SLC2A7: variants seen among roughly 807,000 people sequenced by gnomAD.
The protein encoded by SLC2A7 is solute carrier family 2 member 7, also known as solute carrier family 2, facilitated glucose transporter member 7.
SLC2A7 carries 50 observed loss-of-function variants against 50.5 expected under a neutral mutation model. The ratio of observed to expected loss-of-function variants is 0.99; its 90% CI spans 0.79 to 1.25. The LOEUF (loss-of-function observed/expected upper bound fraction) is 1.25. SLC2A7 is among the 50% of genes most tolerant of loss of function. The probability of loss-of-function intolerance (pLI) is 0.00; values close to 1 mark genes in which losing one functional copy is unlikely to be tolerated. For synonymous variants in SLC2A7, 308 were observed against 300.4 expected (o/e 1.03, Z -0.26); for missense variants, 683 against 679.1 (o/e 1.01, Z -0.06).
intron 2 of SLC2A7, 27 bp from the exon 3 acceptor site, chr1:9,023,105 TAAG>T: frequency 1.2e-6 from 2 of 1,606,690 alleles, no homozygotes; most frequent in South Asian, 1.1e-5. Context: ...CATCCACAGC[TAAG>T]AATATTGGGC....
intron 5 of SLC2A7, among the ~76,000 whole-genome samples, chr1:9,016,187 T>A (rs1640827751): frequency 6.6e-6 from 1 of 152,230 alleles, no homozygotes; most frequent in South Asian, 2.1e-4. Context: ...CTGTTAACGA[T>A]CTTTCATGGA....
chr1:9,004,598 C>T (rs899361390), intron 11 of SLC2A7, among the ~76,000 whole-genome samples, 154 bp downstream of exon 11: 3 of 152,202 alleles, frequency 2.0e-5, no homozygotes, highest in African/African-American at 4.8e-5. Context: ...CAAGGGTTTG[C>T]AGGCAGTGGG....
rs1334100675 is a variant in SLC2A7, at chr1:9,008,587, C to T, written c.1117-1202G>A. ...CTTCCTAGAATCCCTAAAGGTTCTG[C>T]TAAGAACTTATATTGGTTTTTTTTT... is the stretch of plus-strand genomic sequence containing the variant. On this transcript the variant is annotated intron_variant, in intron 9 of 11. Coordinates refer to ENST00000400906, the MANE Select transcript of SLC2A7 (RefSeq NM_207420.3). This position sits in a 1 kb window ranked among gnomAD's most constrained non-coding sequence, Gnocchi z 5.9. Among the ~76,000 whole-genome samples the T allele has an allele frequency of 7.0e-6, 1 of 143,402 alleles. No individual in the cohort carries two copies. Among genetic ancestry groups the T allele is most frequent in the Non-Finnish European group, 1.5e-5 (1 of 66,668 alleles). 94.1% of individuals were successfully genotyped at this position (143,402 alleles called of 152,430 possible). A position where few individuals can be genotyped will look rare whatever the true frequency, so the allele number is the denominator to read the frequency against.
At chr1:9,019,091 A>C in intron 4 of SLC2A7, 118 bp downstream of exon 4, 2 of 1,343,164 alleles carry the variant, frequency 1.5e-6, no homozygotes, top group Non-Finnish European at 2.0e-6. Context: ...TGCAGATGGG[A>C]GGACGTCTTG....
chr1:9,004,835 A>T lies in SLC2A7; in HGVS notation c.1237T>A (p.Ser413Thr), dbSNP rs1424096339. The change falls in exon 11 of 12, where the codon TCC becomes ACC. Residue 413 changes from serine to threonine, a missense_variant. Transcript: ENST00000400906. ...TCCACCATGAAAGCTGCCCGCCGGG[A>T]GGACTGCAGGAAGATCTCGGTCCTC... ...VVRTEIFLQS[S>T]RRAAFMVDGA... 6.2e-7 allele frequency: 1 copy of T among 1,614,030 alleles called. No homozygotes were observed. The highest frequency in any genetic ancestry group is 2.2e-5 in the East Asian group (1 of 44,876).
chr1:9,016,839 G>A (rs141032563), intron 5 of SLC2A7, among the ~76,000 whole-genome samples: 56 of 152,226 alleles, frequency 3.7e-4, no homozygotes, highest in South Asian at 1.9e-3. Flanking sequence ...CACCCTCCAC[G>A]AGTGTCTCTC....
chr1:9,016,840 A>C (rs1367265937), intron 5 of SLC2A7, among the ~76,000 whole-genome samples: 3 of 152,038 alleles, frequency 2.0e-5, no homozygotes, highest in Non-Finnish European at 4.4e-5. Flanking sequence ...ACCCTCCACG[A>C]GTGTCTCTCA....
intron 1 of SLC2A7, among the ~76,000 whole-genome samples, chr1:9,025,874 T>TA (rs999824380): frequency 6.6e-6 from 1 of 151,306 alleles, no homozygotes; most frequent in African/African-American, 2.4e-5. Flanking sequence ...CCCTCACTCC[T>TA]GTTCCACATG....
intron 1 of SLC2A7, among the ~76,000 whole-genome samples, chr1:9,025,612 A>G (rs1003676793): frequency 6.6e-6 from 1 of 152,118 alleles, no homozygotes. Context: ...GCAGCTGTGT[A>G]AGCATCGGGG....
At chr1:8,992,892 A>G in the SLC2A7 span, among the ~76,000 whole-genome samples, 1 of 152,120 alleles carries the variant, frequency 6.6e-6, no homozygotes, top group East Asian at 1.9e-4. Flanking sequence ...TGGCATAGAG[A>G]TGCCCTCCCT....
intron 4 of SLC2A7, among the ~76,000 whole-genome samples, chr1:9,018,947 C>A (rs987585591): frequency 6.6e-6 from 1 of 151,884 alleles, no homozygotes; most frequent in Admixed American, 6.6e-5. Flanking sequence ...TTTGGGAGGC[C>A]GAGACAGGAG....
At chr1:9,015,879 G>T (rs970464567) in intron 5 of SLC2A7, among the ~76,000 whole-genome samples, 1 of 146,120 alleles carries the variant, frequency 6.8e-6, no homozygotes, top group African/African-American at 2.6e-5. Flanking sequence ...GTGCATTACC[G>T]CACCTGGCTC....
rs7553773 is a variant in SLC2A7 at position 9,008,544 on chromosome 1, C to T, written c.1117-1159G>A. ...GTGGTCTCTGCAGGTGGCGCTCAGT[C>T]GTGCTCACCTCTTTTCACTTCCTAG... On this transcript the variant is annotated intron_variant, in intron 9 of 11. Transcript: ENST00000400906. The surrounding 1 kb of genome is among the most constrained non-coding windows in gnomAD (Gnocchi z 5.9). 0.026 allele frequency among the ~76,000 whole-genome samples: 3,889 copies of T among 151,650 alleles called. 158 individuals carry two copies. The highest frequency in any genetic ancestry group is 0.088 in the African/African-American group (3,649 of 41,284).
chr1:9,026,004 G>A (rs545182405), intron 1 of SLC2A7, among the ~76,000 whole-genome samples: 26 of 152,310 alleles, frequency 1.7e-4, no homozygotes, highest in Admixed American at 1.4e-3. Context: ...ATCTCCCCTC[G>A]ATCTTTAAGG....
Position 9,026,315 on chromosome 1 carries a change from G to GT in SLC2A7, c.30dup (p.Pro11ThrfsTer52). On this transcript the variant is annotated frameshift_variant, in exon 1 of 12. Transcript: ENST00000400906. LOFTEE classifies it high-confidence loss of function. Reference sequence around the variant, plus strand: ...CTTACCCCCTCCCTGGATGGAATGGGTGGAGGGGTTCCCGCCTCTTTGTTC... The same window carrying GT: ...CTTACCCCCTCCCTGGATGGAATGGGTTGGAGGGGTTCCCGCCTCTTTGTTC... The GT allele has an allele frequency of 6.2e-7, 1 of 1,609,786 alleles. No individual in the cohort carries two copies. The highest frequency in any genetic ancestry group is 1.3e-5 in the African/African-American group (1 of 75,000).
At chr1:8,994,924 C>T in the SLC2A7 span, among the ~76,000 whole-genome samples, 1 of 151,782 alleles carries the variant, frequency 6.6e-6, no homozygotes, top group Non-Finnish European at 1.5e-5. Context: ...GGGCTCAACA[C>T]CACGCCCAGC....
intron 9 of SLC2A7, 151 bp downstream of exon 9, chr1:9,009,992 G>A: frequency 1.5e-6 from 1 of 654,696 alleles, no homozygotes; most frequent in East Asian, 2.8e-5. Context: ...TTCACTTCAG[G>A]ATGGGGCATT....
intron 9 of SLC2A7, among the ~76,000 whole-genome samples, chr1:9,009,179 T>C (rs778311503): frequency 2.6e-5 from 4 of 152,214 alleles, no homozygotes; most frequent in Non-Finnish European, 5.9e-5. Flanking sequence ...CACATTCTTG[T>C]ACTCATGTGC....
At chr1:9,004,937 G>A in intron 10 of SLC2A7, 58 bp from the exon 11 acceptor site, 1 of 1,556,700 alleles carries the variant, frequency 6.4e-7, no homozygotes, top group Non-Finnish European at 8.7e-7. Context: ...CCCCAGGGCT[G>A]GCGGGACGCG....
Sources: gnomAD v4.1 joint callset for allele counts (sites outside exome capture counted in the v4.1 genomes callset) on GRCh38, gnomAD v4.1.1 for gene constraint, Gnocchi (gnomAD v3.1) non-coding constraint, MANE v1.5 for transcripts, NCBI Gene and HGNC (gene_info 2026-07-23, HGNC 2026-07-21) for gene names.